FMN1: variants seen among roughly 807,000 people sequenced by gnomAD.
FMN1 encodes formin 1.
Under a neutral mutation model 132.4 loss-of-function variants are expected in FMN1, and 110 were observed. That is an observed-to-expected ratio of 0.83 (90% CI 0.71 to 0.97). The LOEUF (loss-of-function observed/expected upper bound fraction) is 0.97, where lower values mean the gene tolerates loss of function less well. Ranked by LOEUF, FMN1 falls within the 50% of genes least tolerant of loss-of-function variation. The probability of loss-of-function intolerance (pLI) is 0.00; values close to 1 mark genes in which losing one functional copy is unlikely to be tolerated. For synonymous variants in FMN1, 722 were observed against 651.7 expected, an observed-to-expected ratio of 1.11 and a Z score of -1.64; for missense variants, 1,792 against 1,705.3, an observed-to-expected ratio of 1.05 and a Z score of -0.90.
chr15:33,082,381 G>T (rs1321021133), intron 5 of FMN1, among the ~76,000 whole-genome samples: 2 of 152,042 alleles, frequency 1.3e-5, no homozygotes, highest in Middle Eastern at 3.2e-3. Flanking sequence ...AGAGAGTACT[G>T]CCACCAGGAT....
chr15:33,149,817 CTTAATA>C, intron 4 of FMN1: 1 of 984,566 alleles, frequency 1.0e-6, no homozygotes, highest in Non-Finnish European at 1.2e-6. Context: ...TGCATCAAAC[CTTAATA>C]TTAATATGGG....
chr15:32,959,634 T>G (rs2030277466), intron 9 of FMN1, among the ~76,000 whole-genome samples: 1 of 151,820 alleles, frequency 6.6e-6, no homozygotes, highest in Non-Finnish European at 1.5e-5. Flanking sequence ...ACTTAAAGAG[T>G]TTAAATGAAG....
chr15:33,100,757 C>T (rs377616873), intron 4 of FMN1, among the ~76,000 whole-genome samples: 115 of 152,254 alleles, frequency 7.6e-4, no homozygotes, highest in African/African-American at 2.7e-3. Flanking sequence ...GAATCATCAT[C>T]GTTGTTATTT....
Position 32,964,038 on chromosome 15 carries a change from CACACACACACAT to C in FMN1, c.3138+57_3138+68del, listed in dbSNP as rs2030919549. 17 of 1,125,716 alleles carry C rather than the reference CACACACACACAT, an allele frequency of 1.5e-5. No individual in the cohort carries two copies. In the East Asian group the frequency reaches 1.7e-4, roughly 11 times the overall value. The allele number at this position is 1,125,716 out of a possible 1,614,324, so 69.7% of individuals were successfully genotyped here. On this transcript the variant is annotated intron_variant, in intron 9 of 20. Coordinates refer to ENST00000616417, the MANE Select transcript of FMN1 (RefSeq NM_001277313.2). ...CGATACACACACACACACACACACA[CACACACACACAT>C]ATATACCATTTCCCTGTATAATATA...
At chr15:32,797,454 A>C (rs542920848) in intron 19 of FMN1, among the ~76,000 whole-genome samples, 15 of 152,364 alleles carry the variant, frequency 9.8e-5, no homozygotes, top group African/African-American at 3.4e-4. Flanking sequence ...TCGTATGAGA[A>C]TTGATTCCAC....
rs1387289612 is a variant in FMN1, at chr15:33,154,701, C to T, written c.214G>A (p.Asp72Asn). Reference sequence around the variant, plus strand: ...GTGGGAGTCTGCTTGAAAAATATGTCGCCTGGATGTTCGTCCGGCTCCTGG... The same window carrying T: ...GTGGGAGTCTGCTTGAAAAATATGTTGCCTGGATGTTCGTCCGGCTCCTGG... ...LSQEPDEHPGDIFFKQTPTKD... is the reference protein window; with the variant it reads ...LSQEPDEHPGNIFFKQTPTKD... The change falls in exon 4 of 21, where the codon GAC (aspartate) becomes AAC (asparagine). Residue 72 changes from aspartate to asparagine, a missense_variant. By Grantham distance (23) the Asp-to-Asn change is conservative (BLOSUM62 1). Transcript: ENST00000616417. 12 of 1,535,964 alleles carry T rather than the reference C, an allele frequency of 7.8e-6. No homozygotes were observed. The South Asian group carries it at 9.5e-5, about 12-fold the overall frequency.
At chr15:32,855,246 T>C (rs1311643184) in intron 17 of FMN1, among the ~76,000 whole-genome samples, 2 of 150,474 alleles carry the variant, frequency 1.3e-5, no homozygotes, top group Non-Finnish European at 2.9e-5. Flanking sequence ...GGGTCTAGAG[T>C]TGGGCCCGGG....
intron 10 of FMN1, among the ~76,000 whole-genome samples, chr15:32,918,366 C>T (rs1309794095): frequency 1.3e-5 from 2 of 152,072 alleles, no homozygotes; most frequent in East Asian, 3.9e-4. Context: ...TGCTAAATGC[C>T]TGCTATTGTG....
At chr15:32,934,564 A>ATT (rs1012988399) in intron 9 of FMN1, among the ~76,000 whole-genome samples, 2 of 112,006 alleles carry the variant, frequency 1.8e-5, no homozygotes, top group African/African-American at 6.8e-5. Context: ...ACGAACATCT[A>ATT]TTTCTCTTTT....
chr15:33,088,933 G>C lies in FMN1; in HGVS notation c.1909C>G (p.Gln637Glu), dbSNP rs2038804376. Reference protein sequence around the residue: ...EGFPWDGFNEQTPKDLPNRDG... With the variant: ...EGFPWDGFNEETPKDLPNRDG... ...CTGTTGGGAAGGTCTTTAGGTGTCT[G>C]CTCATTGAAGCCGTCCCAGGGAAAG... The change falls in exon 5 of 21, where the codon CAG becomes GAG. Residue 637 changes from glutamine to glutamate, a missense_variant. By Grantham distance (29) the Gln-to-Glu change is conservative. Coordinates refer to ENST00000616417, the MANE Select transcript of FMN1 (RefSeq NM_001277313.2). 1 of 1,535,880 alleles carries C rather than the reference G, an allele frequency of 6.5e-7. No homozygotes were observed. The highest frequency in any genetic ancestry group is 8.7e-7 in the Non-Finnish European group (1 of 1,146,820).
chr15:33,062,876 A>G (rs890282368), intron 6 of FMN1: 1 of 152,218 alleles, frequency 6.6e-6, no homozygotes, highest in African/African-American at 2.4e-5. Context: ...CATTAAAATG[A>G]AGTAGTTTTC....
At chr15:32,875,926 G>T (rs576720184) in intron 16 of FMN1, among the ~76,000 whole-genome samples, 127 of 152,294 alleles carry the variant, frequency 8.3e-4, no homozygotes, top group African/African-American at 2.9e-3. Context: ...CTGGCTGGGT[G>T]ATCCCGGCCA....
intron 10 of FMN1, among the ~76,000 whole-genome samples, chr15:32,922,330 A>T (rs2060849279): frequency 6.6e-6 from 1 of 152,228 alleles, no homozygotes; most frequent in Non-Finnish European, 1.5e-5. Context: ...TGTATTTTTT[A>T]AAAATTGAAT....
chr15:32,771,450 T>G lies in FMN1; in HGVS notation c.*2860A>C, dbSNP rs1240789145. On this transcript the variant is annotated 3_prime_UTR_variant, in exon 21 of 21. Coordinates refer to ENST00000616417, the MANE Select transcript of FMN1 (RefSeq NM_001277313.2). Reference sequence around the variant, plus strand: ...TGTACTTTGTGTAATTTATGTAACTTATGATATTGTGTGCTCTGATGCTGT... The same window carrying G: ...TGTACTTTGTGTAATTTATGTAACTGATGATATTGTGTGCTCTGATGCTGT... The G allele has an allele frequency of 6.6e-6, 1 of 152,210 alleles. No homozygotes were observed. 9.4% of individuals were successfully genotyped at this position (152,210 alleles called of 1,614,324 possible).
chr15:32,950,517 A>C (rs2061628062), intron 9 of FMN1, among the ~76,000 whole-genome samples: 1 of 152,192 alleles, frequency 6.6e-6, no homozygotes, highest in African/African-American at 2.4e-5. Context: ...CCATAAAATA[A>C]AATGAGATCA....
At chr15:32,862,048 G>A (rs1596111456) in intron 16 of FMN1, among the ~76,000 whole-genome samples, 1 of 152,162 alleles carries the variant, frequency 6.6e-6, no homozygotes, top group African/African-American at 2.4e-5. Context: ...GGTCCCCACA[G>A]AGCCACGCGC....
At chr15:32,867,526 C>T (rs1158357895) in intron 16 of FMN1, among the ~76,000 whole-genome samples, 5 of 150,716 alleles carry the variant, frequency 3.3e-5, no homozygotes, top group Admixed American at 6.6e-5. Context: ...TTTTTTGAGA[C>T]GGAGTCTCGC....
intron 6 of FMN1, among the ~76,000 whole-genome samples, chr15:33,033,884 C>A (rs529963990): frequency 4.4e-4 from 67 of 152,288 alleles, no homozygotes; most frequent in African/African-American, 1.5e-3. Context: ...GGCACACTCC[C>A]TCTCTGATAC....
chr15:32,765,774 AC>A lies in FMN1; in HGVS notation c.*8535del, dbSNP rs1383153206. The A allele has an allele frequency of 2.0e-5, 3 of 152,136 alleles. No homozygotes were observed. The highest frequency in any genetic ancestry group is 7.2e-5 in the African/African-American group (3 of 41,426). 9.4% of individuals were successfully genotyped at this position (152,136 alleles called of 1,614,324 possible). ...GTACAAAAATACACTTGATATTGTG[AC>A]CAAGTACTGTCAAGGAGGAAAAAAT... On this transcript the variant is annotated 3_prime_UTR_variant, in exon 21 of 21. Coordinates refer to ENST00000616417, the MANE Select transcript of FMN1 (RefSeq NM_001277313.2).
Sources: allele counts gnomAD v4.1 joint callset (sites outside exome capture counted in the v4.1 genomes callset), GRCh38; gene constraint gnomAD v4.1.1; transcripts MANE v1.5; gene names NCBI Gene and HGNC (gene_info 2026-07-23, HGNC 2026-07-21).